QSER1: variants seen among roughly 807,000 people sequenced by gnomAD.
QSER1 encodes the protein glutamine and serine-rich protein 1.
A neutral mutation model predicts 158.5 loss-of-function variants in QSER1; 49 were observed. The observed-to-expected ratio is 0.31, with a 90% CI of 0.25 to 0.39. The LOEUF (loss-of-function observed/expected upper bound fraction) is 0.39. Among genes scored for constraint, QSER1 ranks in the 10% least tolerant of loss-of-function variants. The pLI is 1.00. For synonymous variants in QSER1, 650 were observed against 715.5 expected, an observed-to-expected ratio of 0.91 and a Z score of 1.46; for missense variants, 1,754 against 2,010.3, an observed-to-expected ratio of 0.87 and a Z score of 2.44.
intron 1 of QSER1, among the ~76,000 whole-genome samples, chr11:32,907,788 G>A (rs775490387): frequency 6.6e-6 from 1 of 152,190 alleles, no homozygotes; most frequent in South Asian, 2.1e-4. Context: ...TGCTTTGATG[G>A]ATGTATTTCT....
rs577502180 is a variant in QSER1, at chr11:32,932,756, C to A, written c.1498C>A (p.Pro500Thr). Residue 500 changes from proline to threonine, a missense_variant, in exon 4 of 13, where the codon CCC (proline) becomes ACC (threonine). Pro to Thr is a conservative substitution (Grantham distance 38, BLOSUM62 -1). Around this residue, in one of 2 missense-constraint regions of QSER1, gnomAD observed 1,707 missense variants for 1,919.6 expected, o/e 0.89. Transcript: ENST00000650167. Reference sequence around the variant, plus strand: ...GTCCAGCAAGGTTGAGAAATTGCCACCCTTGTATAAAACATTGACTTTTTC... The same window carrying A: ...GTCCAGCAAGGTTGAGAAATTGCCAACCTTGTATAAAACATTGACTTTTTC... Reference protein sequence around the residue: ...YRSSKVEKLPPLYKTLTFSGS... With the variant: ...YRSSKVEKLPTLYKTLTFSGS... 1.9e-6 allele frequency: 3 copies of A among 1,613,958 alleles called. No individual in the cohort carries two copies. The highest frequency in any genetic ancestry group is 1.7e-5 in the Admixed American group (1 of 59,982).
At chr11:32,963,387 G>T (rs1852663169) in intron 8 of QSER1, among the ~76,000 whole-genome samples, 1 of 151,844 alleles carries the variant, frequency 6.6e-6, no homozygotes, top group Admixed American at 6.6e-5. Flanking sequence ...ACGGAGTCTC[G>T]CACTATCGTC....
intron 8 of QSER1, among the ~76,000 whole-genome samples, chr11:32,962,034 T>C (rs1453937885): frequency 1.3e-5 from 2 of 152,216 alleles, no homozygotes; most frequent in Non-Finnish European, 2.9e-5. Flanking sequence ...AATAATCCTA[T>C]GTTTAGCCTT....
chr11:32,953,780 A>T, intron 4 of QSER1, 77 bp from the exon 5 acceptor site: 3 of 1,481,360 alleles, frequency 2.0e-6, no homozygotes, highest in Non-Finnish European at 2.7e-6. Flanking sequence ...TTTCTTTTTA[A>T]ACTGTTTTGA....
At chr11:32,909,352 G>A (rs539324394) in intron 1 of QSER1, among the ~76,000 whole-genome samples, 61 of 151,908 alleles carry the variant, frequency 4.0e-4, no homozygotes, top group African/African-American at 1.3e-3. Flanking sequence ...CAGCTTTATC[G>A]ATTTGATATT....
chr11:32,922,764 C>T (rs555186961), intron 1 of QSER1, among the ~76,000 whole-genome samples: 13 of 151,912 alleles, frequency 8.6e-5, no homozygotes, highest in Admixed American at 1.3e-4. Flanking sequence ...GGATTATAGG[C>T]GTGAGCCACC....
intron 4 of QSER1, 93 bp from the exon 5 acceptor site, chr11:32,953,764 C>A: frequency 7.1e-7 from 1 of 1,408,144 alleles, no homozygotes; most frequent in Non-Finnish European, 9.5e-7. Context: ...ACAAAATAAT[C>A]AAGTCTTTCT....
Position 32,932,211 on chromosome 11 carries a change from T to C in QSER1, c.953T>C (p.Ile318Thr). Residue 318 changes from isoleucine (I) to threonine (T), a missense_variant, in exon 4 of 13, where the codon ATT becomes ACT. This residue lies in a region of QSER1 where 1,707 missense variants were observed against 1,919.6 expected (regional missense o/e 0.89). Transcript: ENST00000650167. Reference protein sequence around the residue: ...ERALLRECSVIKHHQRPSGTQ... With the variant: ...ERALLRECSVTKHHQRPSGTQ... ...GCTCTTCTTCGAGAATGTAGTGTTA[T>C]TAAACACCATCAGCGGCCTTCAGGT... 9 of 1,614,218 alleles carry C rather than the reference T, an allele frequency of 5.6e-6. No homozygotes were observed. Among genetic ancestry groups the C allele is most frequent in the Non-Finnish European group, 7.6e-6 (9 of 1,180,032 alleles).
At chr11:32,919,072 A>C (rs1270661940) in intron 1 of QSER1, among the ~76,000 whole-genome samples, 2 of 152,168 alleles carry the variant, frequency 1.3e-5, no homozygotes, top group Non-Finnish European at 2.9e-5. Context: ...GTTTATGCAG[A>C]TTTCCATAGA....
chr11:32,904,750 T>G (rs1450699604), intron 1 of QSER1, among the ~76,000 whole-genome samples: 1 of 152,154 alleles, frequency 6.6e-6, no homozygotes, highest in Non-Finnish European at 1.5e-5. Context: ...TTCCCTGAGA[T>G]AATCTGCGTG....
At chr11:32,917,592 G>A (rs570628793) in intron 1 of QSER1, among the ~76,000 whole-genome samples, 5 of 152,156 alleles carry the variant, frequency 3.3e-5, no homozygotes, top group East Asian at 1.9e-4. Flanking sequence ...TTGGGAGGCC[G>A]AGGTGGGCGG....
chr11:32,922,935 T>A (rs1177820071), intron 1 of QSER1, among the ~76,000 whole-genome samples: 2 of 152,218 alleles, frequency 1.3e-5, no homozygotes, highest in Non-Finnish European at 2.9e-5. Flanking sequence ...GATACATTAC[T>A]GTATAACTCA....
intron 1 of QSER1, among the ~76,000 whole-genome samples, chr11:32,904,123 C>T (rs971167724): frequency 5.3e-5 from 8 of 152,038 alleles, no homozygotes; most frequent in Non-Finnish European, 1.2e-4. Flanking sequence ...TGACTCAGGC[C>T]AGTCTAGCCA....
intron 4 of QSER1, among the ~76,000 whole-genome samples, chr11:32,952,785 T>C (rs1852444831): frequency 6.6e-6 from 1 of 151,780 alleles, no homozygotes; most frequent in African/African-American, 2.4e-5. Context: ...TATTCAGATT[T>C]TCTATTTCTT....
intron 4 of QSER1, among the ~76,000 whole-genome samples, chr11:32,940,738 C>T (rs912086574): frequency 1.3e-5 from 2 of 151,998 alleles, no homozygotes; most frequent in African/African-American, 4.8e-5. Flanking sequence ...CATAGTAATC[C>T]TTAAGTTTTA....
rs550408179 is a variant in QSER1, at chr11:32,895,307, A to G, written c.209+1973A>G. Among the ~76,000 whole-genome samples, 41 of 152,298 alleles carry G rather than the reference A, an allele frequency of 2.7e-4. 2 individuals carry two copies. The highest frequency in any genetic ancestry group is 2.7e-3 in the Admixed American group (41 of 15,296). ...AGCGGTGGGGGGAATCAGCTAAAAT[A>G]CAGCATAGAAAATGCAGGTTTACCC... is the stretch of plus-strand genomic sequence containing the variant. On this transcript the variant is annotated intron_variant, in intron 1 of 12. Coordinates refer to ENST00000650167, the MANE Select transcript of QSER1 (RefSeq NM_001076786.3).
At chr11:32,938,302 C>G (rs1016904989) in intron 4 of QSER1, among the ~76,000 whole-genome samples, 1 of 152,144 alleles carries the variant, frequency 6.6e-6, no homozygotes, top group African/African-American at 2.4e-5. Flanking sequence ...CTGCAATCAT[C>G]TTTGTATTTG....
At position 32,893,000 on chromosome 11, in the gene QSER1, G is replaced by A. The variant is rs1439441309; in HGVS notation, c.-126G>A. Among the ~76,000 whole-genome samples, 1 of 147,588 alleles carries A rather than the reference G, an allele frequency of 6.8e-6. No homozygotes were observed. The highest frequency in any genetic ancestry group is 2.1e-4 in the South Asian group (1 of 4,770). ...CCGCCTGCTCGCCGGGGCCATGTGA[G>A]GGGGCAGCTCCCTCCACCGCCGCCG... On this transcript the variant is annotated 5_prime_UTR_variant, in exon 1 of 13. Transcript: ENST00000650167.
At chr11:32,967,943 G>A (rs1434527789) in intron 9 of QSER1, among the ~76,000 whole-genome samples, 2 of 152,142 alleles carry the variant, frequency 1.3e-5, no homozygotes, top group Non-Finnish European at 2.9e-5. Context: ...CAGGTTAGAG[G>A]TTGAAGAACC....
Sources: gnomAD v4.1 joint callset for allele counts (sites outside exome capture counted in the v4.1 genomes callset) on GRCh38, gnomAD v4.1.1 for gene constraint, gnomAD v4.1.1 regional missense constraint, MANE v1.5 for transcripts, NCBI Gene and HGNC (gene_info 2026-07-23, HGNC 2026-07-21) for gene names.